CLVS1: variants seen among roughly 807,000 people sequenced by gnomAD.
CLVS1 encodes clavesin-1.
In CLVS1, 10 loss-of-function variants were observed where a neutral mutation model predicts 33.1. The ratio of observed to expected loss-of-function variants is 0.30; its 90% CI spans 0.19 to 0.51. The LOEUF is 0.51. Ranked by LOEUF, CLVS1 falls within the 20% of genes least tolerant of loss-of-function variation. The pLI, the probability that CLVS1 is intolerant of heterozygous loss-of-function variation, is 0.97. For missense variants in CLVS1, 343 were observed against 433.4 expected, an observed-to-expected ratio of 0.79 and a Z score of 1.85; for synonymous variants, 163 against 166.1, an observed-to-expected ratio of 0.98 and a Z score of 0.14.
At chr8:61,175,738 T>A (rs1282278629) in intron 2 of CLVS1, among the ~76,000 whole-genome samples, 1 of 152,180 alleles carries the variant, frequency 6.6e-6, no homozygotes, top group Non-Finnish European at 1.5e-5. Flanking sequence ...TGAGAAAGTA[T>A]GATCCCCTAG....
intron 2 of CLVS1, among the ~76,000 whole-genome samples, chr8:61,166,117 G>A (rs1272736121): frequency 3.7e-5 from 5 of 135,412 alleles, no homozygotes; most frequent in African/African-American, 1.4e-4. Flanking sequence ...TTGCTTAAAA[G>A]CCCTTATTTA....
chr8:61,499,236 G>C (rs1044785587), intron 5 of CLVS1, among the ~76,000 whole-genome samples: 15 of 152,130 alleles, frequency 9.9e-5, no homozygotes, highest in African/African-American at 3.4e-4. Context: ...GAGTGCAGTG[G>C]CACAATATGG....
At chr8:61,023,815 C>G in the CLVS1 span, among the ~76,000 whole-genome samples, 1 of 152,174 alleles carries the variant, frequency 6.6e-6, no homozygotes, top group Non-Finnish European at 1.5e-5. Context: ...GAGCTCTCAG[C>G]CGCTGTGCTC....
intron 2 of CLVS1, 29 bp from the exon 3 acceptor site, chr8:61,376,576 C>T (rs375191997): frequency 2.0e-4 from 313 of 1,603,302 alleles, no homozygotes; most frequent in Non-Finnish European, 2.6e-4. Flanking sequence ...CATATTCACA[C>T]ACAGCTCTCC....
At chr8:61,429,644 T>C (rs1209324602) in intron 3 of CLVS1, among the ~76,000 whole-genome samples, 1 of 152,150 alleles carries the variant, frequency 6.6e-6, no homozygotes, top group African/African-American at 2.4e-5. Flanking sequence ...ATTCAAACCA[T>C]AGCCATGTGT....
intron 2 of CLVS1, among the ~76,000 whole-genome samples, chr8:61,239,026 G>C (rs907477213): frequency 6.6e-6 from 1 of 152,204 alleles, no homozygotes; most frequent in Non-Finnish European, 1.5e-5. Context: ...AGATATAACA[G>C]TGTCCATCTC....
chr8:61,040,216 TA>T, the CLVS1 span, among the ~76,000 whole-genome samples: 1 of 151,884 alleles, frequency 6.6e-6, no homozygotes, highest in African/African-American at 2.4e-5. Flanking sequence ...AGTGTATATG[TA>T]CCACGTTTTC....
intron 1 of CLVS1, among the ~76,000 whole-genome samples, chr8:61,128,727 C>T (rs1225010366): frequency 1.3e-5 from 2 of 152,194 alleles, no homozygotes; most frequent in African/African-American, 4.8e-5. Flanking sequence ...TGCATTTTTG[C>T]AGTATGTCTC....
intron 3 of CLVS1, among the ~76,000 whole-genome samples, chr8:61,398,665 G>A (rs1005558662): frequency 5.9e-5 from 9 of 152,044 alleles, no homozygotes; most frequent in South Asian, 2.1e-4. Flanking sequence ...ATTAAACCCA[G>A]CATCTATTAA....
chr8:61,332,125 G>C (rs1301898055), intron 2 of CLVS1, among the ~76,000 whole-genome samples: 1 of 152,210 alleles, frequency 6.6e-6, no homozygotes, highest in African/African-American at 2.4e-5. Context: ...TCTCTTAACT[G>C]AGGGAAAAGG....
At chr8:61,088,532 G>A (rs138563909) in intron 1 of CLVS1, among the ~76,000 whole-genome samples, 98 of 148,556 alleles carry the variant, frequency 6.6e-4, no homozygotes, top group Middle Eastern at 3.6e-3. Flanking sequence ...TCAATTTTCC[G>A]TTAATAGATA....
At chr8:61,308,761 C>T (rs1438334716) in intron 2 of CLVS1, among the ~76,000 whole-genome samples, 1 of 152,086 alleles carries the variant, frequency 6.6e-6, no homozygotes, top group Non-Finnish European at 1.5e-5. Context: ...GTTTTGTATA[C>T]ACTATTTCTA....
At chr8:61,190,140 G>A (rs1457982193) in intron 2 of CLVS1, among the ~76,000 whole-genome samples, 5 of 151,960 alleles carry the variant, frequency 3.3e-5, no homozygotes, top group East Asian at 1.9e-4. Context: ...ACTCCTCAGC[G>A]AATATAAAAG....
At chr8:61,290,282 A>G (rs1809938039) in intron 1 of CLVS1, among the ~76,000 whole-genome samples, 1 of 152,198 alleles carries the variant, frequency 6.6e-6, no homozygotes, top group Admixed American at 6.5e-5. Flanking sequence ...CTTGACTGAA[A>G]TGTTATGCTG....
chr8:61,498,952 CAACA>C (rs1804401439), intron 5 of CLVS1, among the ~76,000 whole-genome samples: 1 of 152,074 alleles, frequency 6.6e-6, no homozygotes, highest in Admixed American at 6.6e-5. Context: ...ATTAAAAATT[CAACA>C]AACTTTATAT....
chr8:61,140,487 T>C (rs1353575181), intron 2 of CLVS1, among the ~76,000 whole-genome samples: 2 of 152,274 alleles, frequency 1.3e-5, no homozygotes, highest in African/African-American at 4.8e-5. Flanking sequence ...AAGGAAATGC[T>C]TGTAACTAGT....
At chr8:61,054,503 A>G (rs1481889854), upstream of CLVS1, among the ~76,000 whole-genome samples, 1 of 152,184 alleles carries the variant, frequency 6.6e-6, no homozygotes, top group African/African-American at 2.4e-5. Flanking sequence ...GCGGTTGCTA[A>G]AACAAACTGA....
chr8:61,305,240 T>C (rs1235263016), intron 2 of CLVS1, among the ~76,000 whole-genome samples: 1 of 151,944 alleles, frequency 6.6e-6, no homozygotes, highest in East Asian at 1.9e-4. Flanking sequence ...AATATATATA[T>C]ATATAATTTA....
the CLVS1 span, among the ~76,000 whole-genome samples, chr8:61,004,744 C>T: frequency 6.6e-6 from 1 of 152,170 alleles, no homozygotes; most frequent in Non-Finnish European, 1.5e-5. Flanking sequence ...GCACCCGTAA[C>T]GCACCCTGGG....
Sources: gnomAD v4.1 joint callset for allele counts (sites outside exome capture counted in the v4.1 genomes callset) on GRCh38, gnomAD v4.1.1 for gene constraint, MANE v1.5 for transcripts, NCBI Gene and HGNC (gene_info 2026-07-23, HGNC 2026-07-21) for gene names.